The following ZSCAN5A variants were observed in gnomAD, a reference collection of about 807,000 sequenced individuals.
ZSCAN5A encodes zinc finger and SCAN domain containing 5A, also known as zinc finger and SCAN domain-containing protein 5A.
A neutral mutation model predicts 23.7 loss-of-function variants in ZSCAN5A; 12 were observed. The observed-to-expected ratio is 0.51, with a 90% CI of 0.32 to 0.82. The LOEUF is 0.82. Ranked by LOEUF, ZSCAN5A falls within the 40% of genes least tolerant of loss-of-function variation. The pLI, the probability that ZSCAN5A is intolerant of heterozygous loss-of-function variation, is 0.03. For missense variants in ZSCAN5A, 597 were observed against 617.9 expected, an observed-to-expected ratio of 0.97 and a Z score of 0.36; for synonymous variants, 257 against 239.9, an observed-to-expected ratio of 1.07 and a Z score of -0.66.
In ZSCAN5A at chr19:56,313,302, G is replaced by A. The variant is rs1172849421; in HGVS notation, c.-147C>T. ...ACTTACAGTTTCACGTGGCTGGGGA[G>A]GCCTCACAATCATGGCAGAAGGTCA... On this transcript the variant is annotated 5_prime_UTR_variant, in exon 2 of 6. Transcript: ENST00000683990. 5 of 342,580 alleles carry A rather than the reference G, an allele frequency of 1.5e-5. No individual in the cohort carries two copies. The highest frequency in any genetic ancestry group is 2.3e-5 in the Non-Finnish European group (4 of 173,162). The allele number at this position is 342,580 out of a possible 1,614,324, so 21.2% of individuals were successfully genotyped here. A position where few individuals can be genotyped will look rare whatever the true frequency, so the allele number is the denominator to read the frequency against.
In ZSCAN5A at chr19:56,363,794, G is replaced by C. The variant is rs78371156; in HGVS notation, c.-521-396C>G. On this transcript the variant is annotated intron_variant, in intron 1 of 6. Transcript: ENST00000587340. ...TAAGCAGCAAAGTGTTCAAGATGTG[G>C]CATGGCTGTGTCTAACAGCCTATGT... Among the ~76,000 whole-genome samples the C allele has an allele frequency of 1.6e-3, 251 of 152,324 alleles. 1 individual carries two copies. Among genetic ancestry groups the C allele is most frequent in the Middle Eastern group, 6.8e-3 (2 of 294 alleles).
At chr19:56,357,254 CAT>C (rs1050566359) in intron 2 of ZSCAN5A, among the ~76,000 whole-genome samples, 4 of 148,468 alleles carry the variant, frequency 2.7e-5, no homozygotes, top group African/African-American at 1.0e-4. Flanking sequence ...AATAATAAAA[CAT>C]ATCACTGCTA....
chr19:56,330,181 T>C (rs900611657), intron 2 of ZSCAN5A, among the ~76,000 whole-genome samples: 1 of 152,258 alleles, frequency 6.6e-6, no homozygotes, highest in African/African-American at 2.4e-5. Flanking sequence ...GTTTTATGAC[T>C]GCATAGTATT....
chr19:56,221,603 T>C lies in ZSCAN5A; in HGVS notation c.1463A>G (p.Lys488Arg), dbSNP rs1599956598. The change falls in exon 6 of 6, where the codon AAA becomes AGA. Residue 488 changes from lysine (K) to arginine (R), a missense_variant. Lys to Arg is a conservative substitution (Grantham distance 26). This residue lies in a region of ZSCAN5A where 87 missense variants were observed against 74.4 expected (regional missense o/e 1.17). Transcript: ENST00000683990. ...CTGAGAAGTAGCTTCTGGATGTGTT[T>C]TCTGGTGGCGTCTTAACAATTTCAG... The part of the protein sequence containing the change: ...SRLKLLRRHQ[K>R]THPEATSQ 1 of 1,607,186 alleles carries C rather than the reference T, an allele frequency of 6.2e-7. No individual in the cohort carries two copies.
At chr19:56,235,703 A>C (rs1320136112) in intron 2 of ZSCAN5A, among the ~76,000 whole-genome samples, 1 of 8,788 alleles carries the variant, frequency 1.1e-4, no homozygotes, top group Non-Finnish European at 2.2e-4. Context: ...CCGTGGGCCA[A>C]GTCTCCACTC....
At chr19:56,328,917 C>A (rs2147434056) in intron 2 of ZSCAN5A, among the ~76,000 whole-genome samples, 1 of 149,964 alleles carries the variant, frequency 6.7e-6, no homozygotes, top group East Asian at 2.0e-4. Context: ...ATGGCGTGAA[C>A]CCAGGAGGCG....
At position 56,221,427 on chromosome 19, in the gene ZSCAN5A, A is replaced by T; in HGVS notation, c.*148T>A. ...ACAAAGCTCAGTGGGGAGGACACAT[A>T]TTTACTCAAACATCCTGGCAATTCA... On this transcript the variant is annotated 3_prime_UTR_variant, in exon 6 of 6. Coordinates refer to ENST00000683990, the MANE Select transcript of ZSCAN5A (RefSeq NM_001322064.3). The T allele has an allele frequency of 1.1e-6, 1 of 905,088 alleles. No individual in the cohort carries two copies. Among genetic ancestry groups the T allele is most frequent in the Non-Finnish European group, 1.6e-6 (1 of 607,390 alleles). The allele number at this position is 905,088 out of a possible 1,614,324, so 56.1% of individuals were successfully genotyped here.
chr19:56,247,328 A>T, intron 2 of ZSCAN5A: 1 of 250,024 alleles, frequency 4.0e-6, no homozygotes, highest in Non-Finnish European at 8.1e-6. Context: ...AAGGACTGCA[A>T]CCAAGTTTTC....
chr19:56,329,623 A>G (rs772930965), intron 2 of ZSCAN5A, among the ~76,000 whole-genome samples: 23 of 152,044 alleles, frequency 1.5e-4, no homozygotes, highest in Non-Finnish European at 2.6e-4. Flanking sequence ...ATTGAAATTG[A>G]AAATAGAAAA....
Position 56,321,971 on chromosome 19 carries a change from A to T in ZSCAN5A, c.-357-5703T>A, listed in dbSNP as rs547269894. On this transcript the variant is annotated intron_variant, in intron 2 of 6. Coordinates refer to the ZSCAN5A transcript ENST00000587340. Reference sequence around the variant, plus strand: ...AAGATATCTCACACCACCATGGATCAAATTAGTGCTTCTGCTGCTGGTCCC... The same window carrying T: ...AAGATATCTCACACCACCATGGATCTAATTAGTGCTTCTGCTGCTGGTCCC... 13 of 780,464 alleles carry T rather than the reference A, an allele frequency of 1.7e-5. No homozygotes were observed. The African/African-American group carries it at 1.7e-4, about 10-fold the overall frequency. 48.3% of individuals were successfully genotyped at this position (780,464 alleles called of 1,614,324 possible).
At chr19:56,297,644 G>C in intron 2 of ZSCAN5A, 3 of 568,378 alleles carry the variant, frequency 5.3e-6, no homozygotes, top group Non-Finnish European at 4.4e-6. Flanking sequence ...CCCTGCAGGG[G>C]CTTTGGTACC....
chr19:56,222,525 G>A (rs2033370579), intron 5 of ZSCAN5A, 66 bp downstream of exon 5: 2 of 1,577,794 alleles, frequency 1.3e-6, no homozygotes, highest in African/African-American at 1.4e-5. Context: ...TGATAATGCT[G>A]GGCCCCCAGC....
At chr19:56,367,531 G>A (rs2041778390) in intron 1 of ZSCAN5A, among the ~76,000 whole-genome samples, 1 of 152,204 alleles carries the variant, frequency 6.6e-6, no homozygotes, top group African/African-American at 2.4e-5. Flanking sequence ...CACAATGTGA[G>A]TTGGTAAATA....
upstream of ZSCAN5A, chr19:56,314,914 C>G (rs1405507830): frequency 1.3e-5 from 2 of 152,272 alleles, no homozygotes; most frequent in Non-Finnish European, 2.9e-5. Flanking sequence ...GCTCAGAGGG[C>G]TGAACTAGAA....
At position 56,288,484 on chromosome 19, in the gene ZSCAN5A, G is replaced by T. The variant is rs180711046; in HGVS notation, c.-128+24799C>A. On this transcript the variant is annotated intron_variant, in intron 2 of 5. Coordinates refer to ENST00000683990, the MANE Select transcript of ZSCAN5A (RefSeq NM_001322064.3). Reference sequence around the variant, plus strand: ...TATAGGTTCCCATGGAACCCAGCAGGTCTACCCAGAATACTCATCCCAACG... The same window carrying T: ...TATAGGTTCCCATGGAACCCAGCAGTTCTACCCAGAATACTCATCCCAACG... Among the ~76,000 whole-genome samples the T allele has an allele frequency of 3.7e-3, 565 of 152,230 alleles. 4 individuals carry two copies. The highest frequency in any genetic ancestry group is 3.0e-3 in the Non-Finnish European group (203 of 68,028).
chr19:56,357,679 C>T lies in ZSCAN5A; in HGVS notation c.-358+5556G>A, dbSNP rs1296572553. On this transcript the variant is annotated intron_variant, in intron 2 of 6. Coordinates refer to the ZSCAN5A transcript ENST00000587340. ...AAACACCCTGAAGTACACAGACCAA[C>T]GACACCATGAAGCAACTAGATTAAC... Among the ~76,000 whole-genome samples, 5 of 148,018 alleles carry T rather than the reference C, an allele frequency of 3.4e-5. 1 individual carries two copies. Among genetic ancestry groups the T allele is most frequent in the African/African-American group, 7.7e-5 (3 of 39,076 alleles).
At chr19:56,350,844 T>C (rs1265038440) in intron 2 of ZSCAN5A, among the ~76,000 whole-genome samples, 3 of 152,184 alleles carry the variant, frequency 2.0e-5, no homozygotes, top group South Asian at 2.1e-4. Flanking sequence ...TTTAATATTT[T>C]ATTAAATAAT....
intron 2 of ZSCAN5A, among the ~76,000 whole-genome samples, chr19:56,234,248 G>A (rs1270410070): frequency 1.3e-5 from 2 of 152,226 alleles, no homozygotes; most frequent in African/African-American, 4.8e-5. Context: ...AACTACTGAA[G>A]AGGAAAGAGT....
chr19:56,289,080 G>A (rs1339188747), intron 2 of ZSCAN5A, among the ~76,000 whole-genome samples: 2 of 152,164 alleles, frequency 1.3e-5, no homozygotes, highest in Non-Finnish European at 2.9e-5. Flanking sequence ...GCTGGTAAAT[G>A]TCTAACAACC....
Sources: allele counts gnomAD v4.1 joint callset (sites outside exome capture counted in the v4.1 genomes callset), GRCh38; gene constraint gnomAD v4.1.1; regional missense constraint gnomAD v4.1.1; transcripts MANE v1.5; gene names NCBI Gene and HGNC (gene_info 2026-07-23, HGNC 2026-07-21).